The following FHIT variants were observed in gnomAD, a reference collection of about 807,000 sequenced individuals.
FHIT encodes bis(5'-adenosyl)-triphosphatase.
In FHIT, 19 loss-of-function variants were observed where a neutral mutation model predicts 17.9. The ratio of observed to expected loss-of-function variants is 1.06; its 90% CI spans 0.74 to 1.56. The LOEUF (loss-of-function observed/expected upper bound fraction) is 1.56, where lower values mean the gene tolerates loss of function less well. Among genes scored for constraint, FHIT ranks in the 40% most tolerant of loss-of-function variants. The probability of loss-of-function intolerance (pLI) is 0.00; values close to 1 mark genes in which losing one functional copy is unlikely to be tolerated. For synonymous variants in FHIT, 81 were observed against 69.7 expected, an observed-to-expected ratio of 1.16 and a Z score of -0.81; for missense variants, 248 against 189.2, an observed-to-expected ratio of 1.31 and a Z score of -1.82.
intron 8 of FHIT, among the ~76,000 whole-genome samples, chr3:59,845,773 G>A (rs907775144): frequency 2.0e-5 from 3 of 152,124 alleles, no homozygotes; most frequent in African/African-American, 7.2e-5. Flanking sequence ...TGTTTGGCAT[G>A]TATCTGTTAG....
intron 8 of FHIT, among the ~76,000 whole-genome samples, chr3:59,883,983 A>G (rs1703515704): frequency 1.3e-5 from 2 of 152,254 alleles, no homozygotes; most frequent in East Asian, 1.9e-4. Flanking sequence ...AAGTTTTGAC[A>G]TATATTCTTA....
At chr3:61,158,126 G>A (rs184464762) in intron 2 of FHIT, among the ~76,000 whole-genome samples, 8 of 152,006 alleles carry the variant, frequency 5.3e-5, no homozygotes, top group Non-Finnish European at 1.0e-4. Flanking sequence ...TCATATTTAC[G>A]TTTCCTTCTC....
At chr3:61,214,719 G>A (rs1486084511) in intron 1 of FHIT, among the ~76,000 whole-genome samples, 2 of 152,146 alleles carry the variant, frequency 1.3e-5, no homozygotes, top group Admixed American at 6.5e-5. Flanking sequence ...GAGAATTTTA[G>A]ACCAATATCC....
At chr3:60,792,275 T>A (rs1700805433) in intron 4 of FHIT, among the ~76,000 whole-genome samples, 1 of 152,228 alleles carries the variant, frequency 6.6e-6, no homozygotes, top group Admixed American at 6.5e-5. Flanking sequence ...TTTGTAAGTG[T>A]GTATGTGTGT....
At chr3:60,104,018 G>A (rs1324015578) in intron 5 of FHIT, among the ~76,000 whole-genome samples, 2 of 152,208 alleles carry the variant, frequency 1.3e-5, no homozygotes, top group Admixed American at 1.3e-4. Flanking sequence ...TCATATTTCT[G>A]TTTCAAATTT....
intron 5 of FHIT, among the ~76,000 whole-genome samples, chr3:60,513,235 T>G (rs565766420): frequency 6.6e-6 from 1 of 152,330 alleles, no homozygotes; most frequent in African/African-American, 2.4e-5. Context: ...CAATGAGAGA[T>G]AAACAGGTGA....
At chr3:60,124,995 C>T (rs1705475827) in intron 5 of FHIT, among the ~76,000 whole-genome samples, 1 of 152,210 alleles carries the variant, frequency 6.6e-6, no homozygotes, top group Non-Finnish European at 1.5e-5. Context: ...TTCCCAAATG[C>T]TTCTCACGCA....
intron 4 of FHIT, among the ~76,000 whole-genome samples, chr3:60,697,082 G>C (rs1173178993): frequency 4.6e-5 from 7 of 152,124 alleles, no homozygotes; most frequent in African/African-American, 1.7e-4. Flanking sequence ...GTTATCCCTA[G>C]TATTTTCCCC....
chr3:60,933,806 C>T (rs1708071628), intron 3 of FHIT, among the ~76,000 whole-genome samples: 1 of 152,170 alleles, frequency 6.6e-6, no homozygotes, highest in South Asian at 2.1e-4. Flanking sequence ...TCTTCCCCTC[C>T]CTTTACATTT....
intron 2 of FHIT, among the ~76,000 whole-genome samples, chr3:61,100,731 G>A (rs1473423794): frequency 6.6e-6 from 1 of 152,134 alleles, no homozygotes; most frequent in Non-Finnish European, 1.5e-5. Context: ...TGTTGTTCCT[G>A]ACTTTTTAAT....
chr3:59,802,400 G>A (rs529261452), intron 8 of FHIT, among the ~76,000 whole-genome samples: 19 of 152,248 alleles, frequency 1.2e-4, no homozygotes, highest in East Asian at 3.9e-4. Context: ...TGACCTGCAC[G>A]TATACATCCA....
chr3:60,131,495 C>G (rs1449203943), intron 5 of FHIT, among the ~76,000 whole-genome samples: 6 of 151,970 alleles, frequency 3.9e-5, no homozygotes, highest in African/African-American at 1.5e-4. Context: ...CTATATGATC[C>G]CATTATATTA....
chr3:60,957,233 CTTTT>C (rs35221092), intron 3 of FHIT, among the ~76,000 whole-genome samples: 1 of 97,138 alleles, frequency 1.0e-5, no homozygotes, highest in Non-Finnish European at 2.0e-5. Flanking sequence ...TTCTTTCTTT[CTTTT>C]TTTTTTTTTT....
At chr3:60,452,842 G>T (rs2031836260) in intron 5 of FHIT, among the ~76,000 whole-genome samples, 1 of 152,078 alleles carries the variant, frequency 6.6e-6, no homozygotes, top group Non-Finnish European at 1.5e-5. Flanking sequence ...AAATAAGATA[G>T]ATTAAAAAAC....
intron 8 of FHIT, among the ~76,000 whole-genome samples, chr3:59,794,208 C>T (rs1378375296): frequency 1.3e-5 from 2 of 152,206 alleles, no homozygotes; most frequent in East Asian, 3.8e-4. Flanking sequence ...GTTGTCAGAA[C>T]TTGACTTAAA....
intron 5 of FHIT, among the ~76,000 whole-genome samples, chr3:60,038,608 C>T (rs931846943): frequency 6.6e-6 from 1 of 152,098 alleles, no homozygotes; most frequent in African/African-American, 2.4e-5. Context: ...CATTAAACAC[C>T]TGGAATGCTG....
At chr3:60,051,500 G>A (rs1388476367) in intron 5 of FHIT, among the ~76,000 whole-genome samples, 1 of 151,944 alleles carries the variant, frequency 6.6e-6, no homozygotes, top group Non-Finnish European at 1.5e-5. Context: ...CCTAGAACAG[G>A]GACAGAGTGG....
chr3:61,164,464 T>A (rs1560032837), intron 2 of FHIT, among the ~76,000 whole-genome samples: 2 of 152,156 alleles, frequency 1.3e-5, no homozygotes, highest in African/African-American at 4.8e-5. Flanking sequence ...TAGAGACTCA[T>A]TGGCATAGAA....
chr3:61,030,468 T>A (rs901254434), intron 3 of FHIT, among the ~76,000 whole-genome samples: 11 of 152,228 alleles, frequency 7.2e-5, no homozygotes, highest in African/African-American at 2.7e-4. Flanking sequence ...AAGGATTTAT[T>A]TGCACTAACC....
Sources: gnomAD v4.1 joint callset for allele counts (sites outside exome capture counted in the v4.1 genomes callset) on GRCh38, gnomAD v4.1.1 for gene constraint, MANE v1.5 for transcripts, NCBI Gene and HGNC (gene_info 2026-07-23, HGNC 2026-07-21) for gene names.